The following H2BC12 variants were observed in gnomAD, a reference collection of about 807,000 sequenced individuals.
H2BC12 encodes histone H2B type 1-K.
In H2BC12, 6 loss-of-function variants were observed where a neutral mutation model predicts 6.3. The ratio of observed to expected loss-of-function variants is 0.95; its 90% CI spans 0.52 to 1.87. The LOEUF (loss-of-function observed/expected upper bound fraction) is 1.87, where lower values mean the gene tolerates loss of function less well. Among genes scored for constraint, H2BC12 ranks in the 40% most tolerant of loss-of-function variants. The pLI is 0.01. For missense variants in H2BC12, 119 were observed against 178.4 expected (o/e 0.67, Z 1.90); for synonymous variants, 132 against 78.5 (o/e 1.68, Z -3.60).
At chr6:27,139,809 C>T in the H2BC12 span, 2 of 954,486 alleles carry the variant, frequency 2.1e-6, no homozygotes, top group Admixed American at 3.4e-5. Flanking sequence ...GACCTTGGGC[C>T]GAGATTTTTC....
At chr6:27,140,008 C>T in the H2BC12 span, 7 of 186,426 alleles carry the variant, frequency 3.8e-5, no homozygotes, top group East Asian at 7.7e-4. Context: ...TGATGGGCTC[C>T]ACTAAATGCT....
At chr6:27,139,514 A>G in the H2BC12 span, 4 of 1,610,442 alleles carry the variant, frequency 2.5e-6, no homozygotes, top group Non-Finnish European at 3.4e-6. Context: ...GTGATCCGGG[A>G]CGCCGTGACC....
At chr6:27,139,745 C>A in the H2BC12 span, 2 of 1,390,402 alleles carry the variant, frequency 1.4e-6, no homozygotes, top group East Asian at 2.5e-5. Flanking sequence ...TGAGTTCTGT[C>A]ATCCTATTTT....
the H2BC12 span, chr6:27,139,305 G>GA: frequency 6.2e-7 from 1 of 1,601,148 alleles, no homozygotes; most frequent in Non-Finnish European, 8.5e-7. Context: ...CTGACCACTT[G>GA]ATAATGTCAG....
chr6:27,146,264 A>T (rs2113652219), downstream of H2BC12, among the ~76,000 whole-genome samples: 1 of 152,334 alleles, frequency 6.6e-6, no homozygotes, highest in Non-Finnish European at 1.5e-5. Context: ...TGCATGCATT[A>T]CTCAGTGTGA....
chr6:27,145,057 T>C (rs551852364), downstream of H2BC12, among the ~76,000 whole-genome samples: 1 of 152,130 alleles, frequency 6.6e-6, no homozygotes, highest in Non-Finnish European at 1.5e-5. Flanking sequence ...TATATAGGTA[T>C]AGATATAGAT....
chr6:27,140,778 G>A, the H2BC12 span, among the ~76,000 whole-genome samples: 3 of 152,088 alleles, frequency 2.0e-5, no homozygotes, highest in Admixed American at 6.6e-5. Context: ...CGCTTTCCTC[G>A]GAATGGTCTA....
At chr6:27,143,360 A>C (rs1760030960), downstream of H2BC12, among the ~76,000 whole-genome samples, 1 of 148,600 alleles carries the variant, frequency 6.7e-6, no homozygotes, top group Non-Finnish European at 1.5e-5. Flanking sequence ...AAAAAAAAGA[A>C]AAAAATTTCC....
chr6:27,140,064 G>A, the H2BC12 span, among the ~76,000 whole-genome samples: 1 of 152,052 alleles, frequency 6.6e-6, no homozygotes, highest in Admixed American at 6.6e-5. Flanking sequence ...AGAGGACTTG[G>A]CGGGCACAGA....
chr6:27,139,339 C>T, the H2BC12 span: 7 of 1,613,324 alleles, frequency 4.3e-6, no homozygotes, highest in Non-Finnish European at 5.9e-6. Context: ...AGGTAAGGGC[C>T]TGGGGAAAGG....
At chr6:27,141,133 G>GT in the H2BC12 span, among the ~76,000 whole-genome samples, 1 of 151,946 alleles carries the variant, frequency 6.6e-6, no homozygotes, top group South Asian at 2.1e-4. Context: ...TGAAATCGCT[G>GT]TAAGAGTAGC....
downstream of H2BC12, among the ~76,000 whole-genome samples, chr6:27,145,416 CTCTT>C (rs1411607954): frequency 4.6e-5 from 7 of 152,074 alleles, no homozygotes; most frequent in Non-Finnish European, 5.9e-5. Flanking sequence ...AATTCGTGGA[CTCTT>C]TCTTTCACTT....
chr6:27,139,722 G>A, the H2BC12 span: 9 of 1,459,408 alleles, frequency 6.2e-6, no homozygotes, highest in African/African-American at 2.8e-5. Context: ...TCTCTTAATA[G>A]GGCCATTGTC....
At chr6:27,140,086 G>T in the H2BC12 span, among the ~76,000 whole-genome samples, 2 of 152,006 alleles carry the variant, frequency 1.3e-5, no homozygotes, top group South Asian at 2.1e-4. Flanking sequence ...CTCTGCATGG[G>T]GGGGAGGGGG....
At chr6:27,139,515 C>T in the H2BC12 span, 2 of 1,613,896 alleles carry the variant, frequency 1.2e-6, no homozygotes. Context: ...TGATCCGGGA[C>T]GCCGTGACCT....
downstream of H2BC12, among the ~76,000 whole-genome samples, chr6:27,145,295 TACACACACACACAC>T (rs57882884): frequency 3.1e-3 from 440 of 142,720 alleles, 3 homozygotes; most frequent in African/African-American, 9.8e-3. Flanking sequence ...ATATGTTAAA[TACACACACACACAC>T]ACACACACAC....
At position 27,146,592 on chromosome 6, in the gene H2BC12, G is replaced by A. The variant is rs1372463477; in HGVS notation, c.207C>T (p.Asp69=). Residue 69 remains aspartate (D), a synonymous_variant, in exon 1 of 1, where the codon GAC becomes GAT. Transcript: ENST00000356950. ...CCTCACCCGCGATGCGTTCGAAGAT[G>A]TCGTTGACGAAGGAGTTCATGATTC... ...AMGIMNSFVN[D]IFERIAGEAS... 15 of 1,614,278 alleles carry A rather than the reference G, an allele frequency of 9.3e-6. No homozygotes were observed. The highest frequency in any genetic ancestry group is 1.6e-4 in the Middle Eastern group (1 of 6,062).
the H2BC12 span, chr6:27,138,608 A>AC: frequency 6.6e-6 from 1 of 152,310 alleles, no homozygotes; most frequent in East Asian, 1.9e-4. Context: ...TAATGAGGTA[A>AC]CCGAAGGCAA....
Position 27,146,362 on chromosome 6 carries a change from A to C in H2BC12, c.*56T>G. The C allele has an allele frequency of 6.2e-7, 1 of 1,608,422 alleles. No individual in the cohort carries two copies. Among genetic ancestry groups the C allele is most frequent in the Non-Finnish European group, 8.5e-7 (1 of 1,177,622 alleles). ...TTTACAGCTCTAATATCGATAATTT[A>C]AGTGGCTCTTAAAAGAGCCTTTGGG... is the stretch of plus-strand genomic sequence containing the variant. On this transcript the variant is annotated 3_prime_UTR_variant, in exon 1 of 1. Coordinates refer to ENST00000356950, the MANE Select transcript of H2BC12 (RefSeq NM_001312653.2).
Sources: allele counts gnomAD v4.1 joint callset (sites outside exome capture counted in the v4.1 genomes callset), GRCh38; gene constraint gnomAD v4.1.1; transcripts MANE v1.5; gene names NCBI Gene and HGNC (gene_info 2026-07-23, HGNC 2026-07-21).